Variants in MTHFD1L observed in about 807,000 individuals in gnomAD.
MTHFD1L encodes methylenetetrahydrofolate dehydrogenase (NADP+ dependent) 1 like.
In MTHFD1L, 81 loss-of-function variants were observed where a neutral mutation model predicts 119.5. That is an observed-to-expected ratio of 0.68 (90% CI 0.57 to 0.82). The LOEUF is 0.82. Ranked by LOEUF, MTHFD1L falls within the 40% of genes least tolerant of loss-of-function variation. The pLI, the probability that MTHFD1L is intolerant of heterozygous loss-of-function variation, is 0.00. For missense variants in MTHFD1L, 1,125 were observed against 1,253.4 expected (o/e 0.90, Z 1.55); for synonymous variants, 430 against 475.2 (o/e 0.90, Z 1.24).
At chr6:150,983,452 G>A (rs748610913) in intron 20 of MTHFD1L, among the ~76,000 whole-genome samples, 4 of 152,120 alleles carry the variant, frequency 2.6e-5, no homozygotes, top group Non-Finnish European at 4.4e-5. Flanking sequence ...GTGGTTGTTA[G>A]CCCAGCCCTA....
In MTHFD1L at chr6:151,041,030, CCG is replaced by C. The variant is rs1485691919; in HGVS notation, c.2847+3914_2847+3915del. 3.3e-4 allele frequency among the ~76,000 whole-genome samples: 50 copies of C among 152,350 alleles called. No homozygotes were observed. In the Middle Eastern group the frequency reaches 0.01, roughly 31 times the overall value. On this transcript the variant is annotated intron_variant, in intron 26 of 27. Transcript: ENST00000367321. ...ATTATCTGGTCTTCTCAGCCCTCAG[CCG>C]AGTTCCTCCTGTGGCCACACACGGG...
At chr6:151,092,079 G>A (rs1794496996) in intron 26 of MTHFD1L, among the ~76,000 whole-genome samples, 1 of 152,094 alleles carries the variant, frequency 6.6e-6, no homozygotes, top group Non-Finnish European at 1.5e-5. Context: ...TGTGTCTTGG[G>A]GGTGAGAAGG....
At chr6:150,873,183 C>T (rs73011381) in intron 1 of MTHFD1L, among the ~76,000 whole-genome samples, 6,380 of 152,076 alleles carry the variant, frequency 0.042, 167 homozygotes, top group Non-Finnish European at 0.064. Flanking sequence ...GACGTGGTGG[C>T]ATGCACCAGT....
In MTHFD1L at chr6:150,944,610, G is replaced by T; in HGVS notation, c.1548+17G>T. 1 of 1,586,406 alleles carries T rather than the reference G, an allele frequency of 6.3e-7. No individual in the cohort carries two copies. The highest frequency in any genetic ancestry group is 8.6e-7 in the Non-Finnish European group (1 of 1,156,608). On this transcript the variant is annotated intron_variant, in intron 14 of 27. Transcript: ENST00000367321. The stretch of plus-strand genomic sequence containing the variant: ...ACAGATAAGGTGAGAAGGATGCCTT[G>T]CTAGCCATTTTGGGTATTGTATCCT...
At chr6:150,938,471 C>T (rs1382088919) in intron 12 of MTHFD1L, among the ~76,000 whole-genome samples, 2 of 148,870 alleles carry the variant, frequency 1.3e-5, no homozygotes, top group African/African-American at 2.5e-5. Context: ...CTATTTTTAC[C>T]TTTTTTTTTT....
At chr6:151,095,380 G>T (rs1180817755) in intron 27 of MTHFD1L, among the ~76,000 whole-genome samples, 1 of 152,088 alleles carries the variant, frequency 6.6e-6, no homozygotes, top group Non-Finnish European at 1.5e-5. Flanking sequence ...TTACATTTCT[G>T]CCATTTGTCA....
At chr6:150,881,286 C>T (rs571941809) in intron 4 of MTHFD1L, among the ~76,000 whole-genome samples, 1 of 152,176 alleles carries the variant, frequency 6.6e-6, no homozygotes, top group East Asian at 1.9e-4. Context: ...TGAGGGCCTA[C>T]TTTCATTCTT....
intron 5 of MTHFD1L, among the ~76,000 whole-genome samples, chr6:150,883,920 AC>A (rs1687598994): frequency 6.6e-6 from 1 of 152,098 alleles, no homozygotes; most frequent in South Asian, 2.1e-4. Flanking sequence ...TGGGGAGGCT[AC>A]CACCTTCCTG....
chr6:150,889,176 C>CAAAAA (rs57228842), intron 7 of MTHFD1L, among the ~76,000 whole-genome samples: 73 of 146,320 alleles, frequency 5.0e-4, no homozygotes, highest in African/African-American at 6.0e-4. Flanking sequence ...GACTCCGTCT[C>CAAAAA]AAAAAAAAAA....
intron 16 of MTHFD1L, among the ~76,000 whole-genome samples, chr6:150,955,405 A>G (rs942751851): frequency 2.6e-5 from 4 of 151,590 alleles, no homozygotes; most frequent in East Asian, 1.9e-4. Context: ...ACTATTTTGA[A>G]TAGTGCTGCT....
intron 20 of MTHFD1L, among the ~76,000 whole-genome samples, chr6:150,986,506 A>G (rs1226513723): frequency 6.6e-6 from 1 of 152,124 alleles, no homozygotes; most frequent in Non-Finnish European, 1.5e-5. Context: ...AAACGGTTCC[A>G]CCTCAGATCA....
intron 20 of MTHFD1L, among the ~76,000 whole-genome samples, chr6:150,976,336 C>T (rs971363702): frequency 1.3e-5 from 2 of 152,170 alleles, no homozygotes; most frequent in African/African-American, 2.4e-5. Flanking sequence ...CTTTTGAAGC[C>T]TCAATGGGCT....
intron 8 of MTHFD1L, among the ~76,000 whole-genome samples, chr6:150,910,801 A>G (rs1293710719): frequency 2.6e-5 from 4 of 152,182 alleles, no homozygotes; most frequent in Non-Finnish European, 5.9e-5. Context: ...TGTCACCTGC[A>G]CACAAAACAG....
Position 151,092,581 on chromosome 6 carries a change from G to T in MTHFD1L, c.*25G>T, listed in dbSNP as rs11558820. ...AGTGGACAAGGCTCTCACAGGACCC[G>T]ATGCAGGTAGGCTGATGTGCTTCAA... is the stretch of plus-strand genomic sequence containing the variant. On this transcript the variant is annotated 3_prime_UTR_variant, in exon 27 of 28. Transcript: ENST00000367321. 52,907 of 1,584,044 alleles carry T rather than the reference G, an allele frequency of 0.033. 1,525 individuals carry two copies. Among genetic ancestry groups the T allele is most frequent in the Admixed American group, 0.15 (8,616 of 57,892 alleles).
chr6:150,927,455 C>CTTT (rs543783528), intron 11 of MTHFD1L, among the ~76,000 whole-genome samples: 7 of 125,072 alleles, frequency 5.6e-5, no homozygotes, highest in Admixed American at 8.7e-5. Flanking sequence ...ATCCCAGATT[C>CTTT]TTTTTTTTTT....
At chr6:151,043,018 CTG>C (rs1457452787) in intron 26 of MTHFD1L, among the ~76,000 whole-genome samples, 1 of 152,150 alleles carries the variant, frequency 6.6e-6, no homozygotes, top group Admixed American at 6.5e-5. Flanking sequence ...GGCTGTGTTG[CTG>C]TGTTTTCGCA....
chr6:150,919,282 G>A (rs941248623), intron 9 of MTHFD1L, among the ~76,000 whole-genome samples: 1 of 151,970 alleles, frequency 6.6e-6, no homozygotes, highest in African/African-American at 2.4e-5. Context: ...GGAGTGCAGT[G>A]GTGCGATCTT....
At chr6:150,938,895 G>A (rs1792590951) in intron 13 of MTHFD1L, 150 bp downstream of exon 13, 1 of 822,194 alleles carries the variant, frequency 1.2e-6, no homozygotes, top group South Asian at 1.6e-5. Flanking sequence ...CATAACTCAT[G>A]CAGTGACAAA....
At chr6:150,901,777 G>T (rs1785137475) in intron 7 of MTHFD1L, among the ~76,000 whole-genome samples, 1 of 152,164 alleles carries the variant, frequency 6.6e-6, no homozygotes, top group South Asian at 2.1e-4. Flanking sequence ...GCTGGACAAA[G>T]AACCTACCTG....
Sources: allele counts gnomAD v4.1 joint callset (sites outside exome capture counted in the v4.1 genomes callset), GRCh38; gene constraint gnomAD v4.1.1; transcripts MANE v1.5; gene names NCBI Gene and HGNC (gene_info 2026-07-23, HGNC 2026-07-21).